PDZRN4: variants seen among roughly 807,000 people sequenced by gnomAD.
PDZRN4 encodes PDZ domain-containing RING finger protein 4.
In PDZRN4, 70 loss-of-function variants were observed where a neutral mutation model predicts 99.0. The observed-to-expected ratio is 0.71, with a 90% confidence interval of 0.58 to 0.86. PDZRN4 has a LOEUF of 0.86. Ranked by LOEUF, PDZRN4 falls within the 40% of genes least tolerant of loss-of-function variation. The pLI is 0.00. For synonymous variants in PDZRN4, 551 were observed against 501.6 expected (o/e 1.10, Z -1.32); for missense variants, 1,474 against 1,331.2 (o/e 1.11, Z -1.67).
At chr12:41,471,972 A>G (rs1222192492) in intron 3 of PDZRN4, among the ~76,000 whole-genome samples, 2 of 151,716 alleles carry the variant, frequency 1.3e-5, no homozygotes, top group Non-Finnish European at 2.9e-5. Context: ...AAAAATGTAC[A>G]CGAATTTAAT....
At chr12:41,227,876 T>TAC (rs138441771) in intron 3 of PDZRN4, among the ~76,000 whole-genome samples, 1,742 of 94,184 alleles carry the variant, frequency 0.018, 31 homozygotes, top group African/African-American at 0.055. Flanking sequence ...AGCAAAAATC[T>TAC]ACACACACAC....
At chr12:41,570,095 T>G (rs1939447780) in intron 9 of PDZRN4, among the ~76,000 whole-genome samples, 1 of 152,126 alleles carries the variant, frequency 6.6e-6, no homozygotes, top group South Asian at 2.1e-4. Context: ...TGTCAAACGC[T>G]GCCTACTCAT....
intron 3 of PDZRN4, among the ~76,000 whole-genome samples, chr12:41,238,670 A>G (rs375580060): frequency 3.9e-5 from 6 of 151,998 alleles, no homozygotes; most frequent in East Asian, 1.9e-4. Flanking sequence ...CAAAACCACA[A>G]TGAGATACCA....
intron 3 of PDZRN4, among the ~76,000 whole-genome samples, chr12:41,459,574 A>G (rs1952850447): frequency 6.6e-6 from 1 of 152,188 alleles, no homozygotes; most frequent in African/African-American, 2.4e-5. Flanking sequence ...TTGATTTTTC[A>G]TCCTGTCTAT....
chr12:41,470,901 G>GCACAGCACAGCCCCACACCAGCACA (rs1952983358), intron 3 of PDZRN4, among the ~76,000 whole-genome samples: 2 of 152,142 alleles, frequency 1.3e-5, no homozygotes, highest in African/African-American at 4.8e-5. Context: ...ATGAACTTCT[G>GCACAGCACAGCCCCACACCAGCACA]GTAGAGAACT....
chr12:41,278,470 G>A (rs1407441529), intron 3 of PDZRN4, among the ~76,000 whole-genome samples: 2 of 152,134 alleles, frequency 1.3e-5, no homozygotes, highest in African/African-American at 4.8e-5. Flanking sequence ...TTTGTGTAAC[G>A]ATTACATTGA....
intron 3 of PDZRN4, among the ~76,000 whole-genome samples, chr12:41,195,577 A>G (rs552114810): frequency 6.6e-6 from 1 of 152,188 alleles, no homozygotes; most frequent in Non-Finnish European, 1.5e-5. Flanking sequence ...TACAAAATTT[A>G]GAAAAAAAAG....
chr12:41,491,447 G>A (rs1937884189), intron 3 of PDZRN4, among the ~76,000 whole-genome samples: 1 of 152,114 alleles, frequency 6.6e-6, no homozygotes, highest in South Asian at 2.1e-4. Flanking sequence ...GCTTGAACCT[G>A]TGAGGTGGAG....
chr12:41,197,920 G>GTTTTTCTTTTTTTTTTTTTTT (rs1950786628), intron 3 of PDZRN4, among the ~76,000 whole-genome samples: 1 of 115,596 alleles, frequency 8.7e-6, no homozygotes, highest in Admixed American at 9.6e-5. Flanking sequence ...TTTTTTCTGG[G>GTTTTTCTTTTTTTTTTTTTTT]TTTTTTTTTT....
intron 3 of PDZRN4, among the ~76,000 whole-genome samples, chr12:41,271,937 G>T (rs1951316559): frequency 6.6e-6 from 1 of 151,942 alleles, no homozygotes; most frequent in South Asian, 2.1e-4. Context: ...TCTCATAAAA[G>T]ATCTTTATAT....
chr12:41,370,376 A>T (rs1302351095), intron 3 of PDZRN4, among the ~76,000 whole-genome samples: 1 of 151,940 alleles, frequency 6.6e-6, no homozygotes, highest in Non-Finnish European at 1.5e-5. Flanking sequence ...GTTGACAGTT[A>T]TTTTCCCTTG....
intron 3 of PDZRN4, among the ~76,000 whole-genome samples, chr12:41,239,494 G>T (rs1951089454): frequency 6.6e-6 from 1 of 152,148 alleles, no homozygotes; most frequent in African/African-American, 2.4e-5. Flanking sequence ...AAATACTATA[G>T]GGGATAAATC....
Position 41,572,908 on chromosome 12 carries a change from A to G in PDZRN4, c.2129A>G (p.Tyr710Cys), listed in dbSNP as rs1428405778. 1 of 1,614,090 alleles carries G rather than the reference A, an allele frequency of 6.2e-7. No homozygotes were observed. The highest frequency in any genetic ancestry group is 1.3e-5 in the African/African-American group (1 of 74,928). Reference protein sequence around the residue: ...WTLHDGGFRNYNTSIDMQRGK... With the variant: ...WTLHDGGFRNCNTSIDMQRGK... ...TTGCATGATGGAGGATTCCGGAATTATAACACCAGCATAGATATGCAAAGG... is the reference window on the plus strand; with the variant it reads ...TTGCATGATGGAGGATTCCGGAATTGTAACACCAGCATAGATATGCAAAGG... The change falls in exon 10 of 10, where the codon TAT (tyrosine) becomes TGT (cysteine). Residue 710 changes from tyrosine to cysteine, a missense_variant. By Grantham distance (194) the Tyr-to-Cys change is radical. Transcript: ENST00000402685.
chr12:41,339,950 A>G (rs1951804430), intron 3 of PDZRN4, among the ~76,000 whole-genome samples: 1 of 152,062 alleles, frequency 6.6e-6, no homozygotes, highest in South Asian at 2.1e-4. Flanking sequence ...ATGAAGAAAG[A>G]GGAACTTTTG....
At chr12:41,406,956 A>T in intron 3 of PDZRN4, among the ~76,000 whole-genome samples, 1 of 151,994 alleles carries the variant, frequency 6.6e-6, no homozygotes, top group East Asian at 1.9e-4. Context: ...TGCAATCCCA[A>T]CCCATGTTCA....
chr12:41,293,177 T>A (rs1337324113), intron 3 of PDZRN4, among the ~76,000 whole-genome samples: 1 of 136,752 alleles, frequency 7.3e-6, no homozygotes, highest in Non-Finnish European at 1.6e-5. Flanking sequence ...CAGCCAGAAG[T>A]TAGTCATTGA....
At chr12:41,346,606 A>C (rs1429259889) in intron 3 of PDZRN4, among the ~76,000 whole-genome samples, 4 of 152,188 alleles carry the variant, frequency 2.6e-5, no homozygotes, top group Non-Finnish European at 5.9e-5. Context: ...TTAATATAGT[A>C]AATACAGATA....
At chr12:41,293,914 C>G (rs894733914) in intron 3 of PDZRN4, among the ~76,000 whole-genome samples, 2 of 152,022 alleles carry the variant, frequency 1.3e-5, no homozygotes, top group African/African-American at 4.8e-5. Context: ...AAAATATGAC[C>G]ATTACAAATA....
At position 41,481,229 on chromosome 12, in the gene PDZRN4, G is replaced by A. The variant is rs180857294; in HGVS notation, c.844-25227G>A. Among the ~76,000 whole-genome samples, 573 of 152,110 alleles carry A rather than the reference G, an allele frequency of 3.8e-3. 4 individuals are homozygous for A. The highest frequency in any genetic ancestry group is 5.1e-3 in the Non-Finnish European group (344 of 67,972). On this transcript the variant is annotated intron_variant, in intron 3 of 9. Coordinates refer to ENST00000402685, the MANE Select transcript of PDZRN4 (RefSeq NM_001164595.2). The stretch of plus-strand genomic sequence containing the variant: ...GAACCTATCACCCATCATAACAGGA[G>A]CAGCTCATAGTCATCTCTGTTTTTT...
Sources: allele counts gnomAD v4.1 joint callset (sites outside exome capture counted in the v4.1 genomes callset), GRCh38; gene constraint gnomAD v4.1.1; transcripts MANE v1.5; gene names NCBI Gene and HGNC (gene_info 2026-07-23, HGNC 2026-07-21).